The following NOS1 variants were observed in gnomAD, a reference collection of about 807,000 sequenced individuals.
NOS1 encodes nitric oxide synthase 1.
In NOS1, 51 loss-of-function variants were observed where a neutral mutation model predicts 164.5. The ratio of observed to expected loss-of-function variants is 0.31; its 90% CI spans 0.25 to 0.39. NOS1 has a LOEUF of 0.39. Among genes scored for constraint, NOS1 ranks in the 10% least tolerant of loss-of-function variants. The pLI is 1.00. For synonymous variants in NOS1, 719 were observed against 745.8 expected (o/e 0.96, Z 0.59); for missense variants, 1,362 against 1,885.6 (o/e 0.72, Z 5.14).
chr12:117,308,864 G>C (rs932735179), intron 3 of NOS1, among the ~76,000 whole-genome samples: 3 of 152,010 alleles, frequency 2.0e-5, no homozygotes, highest in Non-Finnish European at 4.4e-5. Context: ...CAAAGTGCTG[G>C]GATTACAGGT....
chr12:117,283,960 T>C (rs543353471), intron 7 of NOS1, among the ~76,000 whole-genome samples: 1 of 151,618 alleles, frequency 6.6e-6, no homozygotes, highest in East Asian at 1.9e-4. Context: ...TTCTTTAATA[T>C]TCTTTAAGGG....
intron 22 of NOS1, among the ~76,000 whole-genome samples, chr12:117,230,783 A>G (rs1225243895): frequency 6.6e-6 from 1 of 152,240 alleles, no homozygotes; most frequent in Non-Finnish European, 1.5e-5. Context: ...GCTCCTCTGC[A>G]TTGGCAAAAG....
chr12:117,333,793 G>C (rs1875668044), intron 1 of NOS1, among the ~76,000 whole-genome samples: 1 of 152,098 alleles, frequency 6.6e-6, no homozygotes, highest in East Asian at 1.9e-4. Context: ...CTGGGTTCTG[G>C]TTTGCAGGGA....
In NOS1 at chr12:117,260,582, C is replaced by A. The variant is rs201091025; in HGVS notation, c.2250G>T (p.Met750Ile). The A allele has an allele frequency of 6.2e-7, 1 of 1,613,942 alleles. No homozygotes were observed. The highest frequency in any genetic ancestry group is 8.5e-7 in the Non-Finnish European group (1 of 1,179,884). The change falls in exon 14 of 29, where the codon ATG becomes ATT. Residue 750 changes from methionine (M) to isoleucine (I), a missense_variant. Transcript: ENST00000317775. ...TCACCCTCTTGGCCATAGCCTGCCC[C>A]ATCAGCTTGGCCGAGAACTTGACAG... is the stretch of plus-strand genomic sequence containing the variant. ...AEAVKFSAKL[M>I]GQAMAKRVKA...
chr12:117,231,117 CG>C, intron 22 of NOS1, among the ~76,000 whole-genome samples: 1 of 151,850 alleles, frequency 6.6e-6, no homozygotes, highest in East Asian at 1.9e-4. Context: ...CACCTGAGAT[CG>C]GGGTTTGATG....
chr12:117,296,683 T>C (rs1873440780), intron 3 of NOS1, among the ~76,000 whole-genome samples: 1 of 152,138 alleles, frequency 6.6e-6, no homozygotes, highest in African/African-American at 2.4e-5. Context: ...TTCTATTAAT[T>C]CTGTCCCTCT....
intron 1 of NOS1, among the ~76,000 whole-genome samples, chr12:117,343,396 A>G (rs1876207580): frequency 6.6e-6 from 1 of 152,236 alleles, no homozygotes; most frequent in Non-Finnish European, 1.5e-5. Context: ...TATTGCAAGA[A>G]TCAACATTTC....
In NOS1 at chr12:117,278,070, G is replaced by C. The variant is rs1592980569; in HGVS notation, c.1553C>G (p.Pro518Arg). 1 of 1,613,912 alleles carries C rather than the reference G, an allele frequency of 6.2e-7. No homozygotes were observed. The highest frequency in any genetic ancestry group is 8.5e-7 in the Non-Finnish European group (1 of 1,179,938). ...EICIQQGWKP[P>R]RGRFDVLPLL... is the part of the protein sequence containing the mutation. ...CGGCAGGACATCGAAGCGGCCTCTA[G>C]GCGGTTTCCAGCCCTGCTGTATGCA... Residue 518 changes from proline (P) to arginine (R), a missense_variant, in exon 9 of 29, where the codon CCT becomes CGT. Physicochemically the swap from Pro to Arg is moderately radical, Grantham distance 103. Transcript: ENST00000317775.
Position 117,237,774 on chromosome 12 carries a change from T to C in NOS1, c.3042-3016A>G, listed in dbSNP as rs531686735. Among the ~76,000 whole-genome samples, 4 of 152,250 alleles carry C rather than the reference T, an allele frequency of 2.6e-5. No homozygotes were observed. In the South Asian group the frequency reaches 8.3e-4, roughly 32 times the overall value. Reference sequence around the variant, plus strand: ...TAACAAGGTTCATTCATTCCACACCTGTACATCATGTGTCAGGCACTGTTC... The same window carrying C: ...TAACAAGGTTCATTCATTCCACACCCGTACATCATGTGTCAGGCACTGTTC... On this transcript the variant is annotated intron_variant, in intron 20 of 28. Coordinates refer to ENST00000317775, the MANE Select transcript of NOS1 (RefSeq NM_000620.5).
chr12:117,283,767 A>G (rs1290483341), intron 7 of NOS1, among the ~76,000 whole-genome samples: 1 of 146,528 alleles, frequency 6.8e-6, no homozygotes, highest in African/African-American at 2.5e-5. Context: ...GAGGCAGGAA[A>G]ATTGTTTGAA....
intron 3 of NOS1, 30 bp downstream of exon 3, chr12:117,311,436 A>C: frequency 6.3e-7 from 1 of 1,577,692 alleles, no homozygotes; most frequent in Non-Finnish European, 8.6e-7. Context: ...CGTGGGAAGC[A>C]GTGGTACCAG....
In NOS1 at chr12:117,211,226, G is replaced by A. The variant is rs1448762299; in HGVS notation, c.*4083C>T. ...ACCCACCTCGGCCTCCCAAAGTGCTGGGATTACAGACATGAGCTACCGCGC... is the reference window on the plus strand; with the variant it reads ...ACCCACCTCGGCCTCCCAAAGTGCTAGGATTACAGACATGAGCTACCGCGC... On this transcript the variant is annotated 3_prime_UTR_variant, in exon 29 of 29. Transcript: ENST00000317775. 3 of 983,734 alleles carry A rather than the reference G, an allele frequency of 3.0e-6. No homozygotes were observed. Among genetic ancestry groups the A allele is most frequent in the Non-Finnish European group, 3.6e-6 (3 of 828,486 alleles). The allele number at this position is 983,734 out of a possible 1,614,324, so 60.9% of individuals were successfully genotyped here.
chr12:117,265,230 T>C (rs1872292935), intron 12 of NOS1, 86 bp downstream of exon 12: 1 of 1,270,446 alleles, frequency 7.9e-7, no homozygotes, highest in African/African-American at 1.5e-5. Flanking sequence ...TCCAGAGCAC[T>C]AGCCTGGGTT....
intron 1 of NOS1, among the ~76,000 whole-genome samples, chr12:117,334,022 C>T (rs1875681268): frequency 6.6e-6 from 1 of 152,198 alleles, no homozygotes; most frequent in South Asian, 2.1e-4. Flanking sequence ...AGGCAAGGCC[C>T]CCAAGCTGAC....
chr12:117,244,004 T>C (rs975876421), intron 18 of NOS1, among the ~76,000 whole-genome samples: 2 of 152,218 alleles, frequency 1.3e-5, no homozygotes, highest in Non-Finnish European at 2.9e-5. Context: ...GGACCTAACC[T>C]GTACTTAAGA....
chr12:117,271,219 C>T (rs1872764397), intron 10 of NOS1, among the ~76,000 whole-genome samples: 1 of 152,102 alleles, frequency 6.6e-6, no homozygotes, highest in African/African-American at 2.4e-5. Context: ...CAGATACCCT[C>T]CGATGTGTGG....
chr12:117,259,802 G>C (rs938943974), intron 14 of NOS1, among the ~76,000 whole-genome samples: 2 of 152,148 alleles, frequency 1.3e-5, no homozygotes, highest in Non-Finnish European at 2.9e-5. Context: ...TACAGGCTCT[G>C]GGAAGTCCTG....
chr12:117,264,537 T>TCCTC (rs927958845), intron 12 of NOS1, among the ~76,000 whole-genome samples: 1 of 143,172 alleles, frequency 7.0e-6, no homozygotes. Context: ...CTTCCTTCCT[T>TCCTC]CCTCCCTCCC....
intron 26 of NOS1, among the ~76,000 whole-genome samples, chr12:117,220,984 G>A (rs1348253203): frequency 6.6e-6 from 1 of 151,902 alleles, no homozygotes; most frequent in Non-Finnish European, 1.5e-5. Context: ...ACACTGCCCG[G>A]ACTCTCTGAG....
Sources: gnomAD v4.1 joint callset for allele counts (sites outside exome capture counted in the v4.1 genomes callset) on GRCh38, gnomAD v4.1.1 for gene constraint, MANE v1.5 for transcripts, NCBI Gene and HGNC (gene_info 2026-07-23, HGNC 2026-07-21) for gene names.